ROR2: variants seen among roughly 807,000 people sequenced by gnomAD.
ROR2 encodes the protein tyrosine-protein kinase transmembrane receptor ROR2.
A neutral mutation model predicts 74.9 loss-of-function variants in ROR2; 33 were observed. The ratio of observed to expected loss-of-function variants is 0.44; its 90% CI spans 0.33 to 0.59. The LOEUF (loss-of-function observed/expected upper bound fraction) is 0.59, where lower values mean the gene tolerates loss of function less well. Ranked by LOEUF, ROR2 falls within the 20% of genes least tolerant of loss-of-function variation. The pLI is 0.02. For missense variants in ROR2, 1,216 were observed against 1,313.8 expected (o/e 0.93, Z 1.15); for synonymous variants, 586 against 558.7 (o/e 1.05, Z -0.69).
intron 4 of ROR2, among the ~76,000 whole-genome samples, chr9:91,752,450 G>C (rs2118821402): frequency 6.6e-6 from 1 of 152,242 alleles, no homozygotes; most frequent in South Asian, 2.1e-4. Context: ...AATCTCAAAA[G>C]CACTATGCTA....
intron 1 of ROR2, among the ~76,000 whole-genome samples, chr9:91,876,443 A>G (rs1468463933): frequency 6.6e-6 from 1 of 152,124 alleles, no homozygotes. Flanking sequence ...GGTCCCTGGT[A>G]AAATAGCCAG....
rs112426215 is a variant in ROR2, at chr9:91,815,337, T to C, written c.98-39519A>G. 1.4e-4 allele frequency among the ~76,000 whole-genome samples: 21 copies of C among 152,332 alleles called. 1 individual carries two copies. Among genetic ancestry groups the C allele is most frequent in the African/African-American group, 4.3e-4 (18 of 41,574 alleles). On this transcript the variant is annotated intron_variant, in intron 1 of 8. Transcript: ENST00000375708. ...CTTATGATCAGTTATTACAGAGCGG[T>C]ATAGCTTCCTCTCAGGAGCAAAGAA...
intron 1 of ROR2, among the ~76,000 whole-genome samples, chr9:91,798,564 C>G (rs1432406992): frequency 6.0e-5 from 8 of 133,942 alleles, no homozygotes; most frequent in Admixed American, 5.2e-4. Flanking sequence ...GTGGGTGCAG[C>G]TGACGCCCTG....
At chr9:91,949,398 A>C (rs1832107143) in intron 1 of ROR2, among the ~76,000 whole-genome samples, 1 of 151,838 alleles carries the variant, frequency 6.6e-6, no homozygotes, top group East Asian at 2.0e-4. Context: ...TCTGCCAGGC[A>C]TCAGGCCGCC....
At chr9:91,814,689 G>A (rs181288076) in intron 1 of ROR2, among the ~76,000 whole-genome samples, 116 of 152,330 alleles carry the variant, frequency 7.6e-4, no homozygotes, top group Non-Finnish European at 1.2e-3. Flanking sequence ...TTACCACCAT[G>A]TGCTCCTAAT....
chr9:91,890,155 G>C (rs1450286306), intron 1 of ROR2, among the ~76,000 whole-genome samples: 1 of 152,214 alleles, frequency 6.6e-6, no homozygotes, highest in African/African-American at 2.4e-5. Context: ...CTTTCTGGAA[G>C]AAAGTCAGAA....
At chr9:91,753,245 C>G (rs1178132251) in intron 4 of ROR2, among the ~76,000 whole-genome samples, 1 of 152,032 alleles carries the variant, frequency 6.6e-6, no homozygotes, top group Non-Finnish European at 1.5e-5. Flanking sequence ...AAAGAATTAT[C>G]AAAATTCATT....
At chr9:91,914,326 G>A (rs1387907736) in intron 1 of ROR2, among the ~76,000 whole-genome samples, 1 of 152,126 alleles carries the variant, frequency 6.6e-6, no homozygotes, top group African/African-American at 2.4e-5. Context: ...TCAGAAAATC[G>A]AACACTAGAA....
intron 1 of ROR2, among the ~76,000 whole-genome samples, chr9:91,874,031 C>G (rs1389838700): frequency 6.6e-6 from 1 of 152,132 alleles, no homozygotes; most frequent in Non-Finnish European, 1.5e-5. Context: ...TGAACACTTA[C>G]AGCCTGTAAT....
intron 2 of ROR2, among the ~76,000 whole-genome samples, chr9:91,762,194 C>G (rs1318631696): frequency 6.6e-6 from 1 of 152,182 alleles, no homozygotes; most frequent in African/African-American, 2.4e-5. Flanking sequence ...CTTCCAGCCC[C>G]GGTTTCCTAA....
intron 1 of ROR2, among the ~76,000 whole-genome samples, chr9:91,828,270 A>G (rs1828353324): frequency 6.6e-6 from 1 of 152,180 alleles, no homozygotes; most frequent in Non-Finnish European, 1.5e-5. Context: ...TGGCTTATCT[A>G]TTTTGCTTTT....
chr9:91,822,242 A>AGG (rs1828160074), intron 1 of ROR2, among the ~76,000 whole-genome samples: 1 of 152,208 alleles, frequency 6.6e-6, no homozygotes, highest in Non-Finnish European at 1.5e-5. Flanking sequence ...GTGGCCACTC[A>AGG]GGGTCCCTGA....
Position 91,905,226 on chromosome 9 carries a change from C to T in ROR2, c.97+44641G>A, listed in dbSNP as rs117457033. 0.02 allele frequency among the ~76,000 whole-genome samples: 3,089 copies of T among 151,522 alleles called. 44 individuals carry two copies. Among genetic ancestry groups the T allele is most frequent in the Non-Finnish European group, 0.027 (1,825 of 67,780 alleles). ...CACCACATATACACCAAACACCACT[C>T]AACACAAACACCACATACAACACAT... is the stretch of plus-strand genomic sequence containing the variant. On this transcript the variant is annotated intron_variant, in intron 1 of 8. Coordinates refer to ENST00000375708, the MANE Select transcript of ROR2 (RefSeq NM_004560.4). This position sits in a 1 kb window ranked among gnomAD's most constrained non-coding sequence, Gnocchi z 5.3.
Position 91,733,099 on chromosome 9 carries a change from GC to G in ROR2, c.937+22del. 6.4e-7 allele frequency: 1 copy of G among 1,568,424 alleles called. No individual in the cohort carries two copies. Among genetic ancestry groups the G allele is most frequent in the East Asian group, 2.3e-5 (1 of 43,012 alleles). On this transcript the variant is annotated intron_variant, in intron 6 of 8. Coordinates refer to ENST00000375708, the MANE Select transcript of ROR2 (RefSeq NM_004560.4). The surrounding 1 kb of genome is among the most constrained non-coding windows in gnomAD (Gnocchi z 5.7). The stretch of plus-strand genomic sequence containing the variant: ...TACACTCCCTGCGCCCCCCGGTCCC[GC>G]CCCGGGCCCTCGGGCACTCACAGCG...
intron 1 of ROR2, among the ~76,000 whole-genome samples, chr9:91,929,272 T>C (rs2117939741): frequency 6.6e-6 from 1 of 152,354 alleles, no homozygotes; most frequent in South Asian, 2.1e-4. Context: ...CTGGAGGCTT[T>C]GTCATTCTGT....
intron 1 of ROR2, among the ~76,000 whole-genome samples, chr9:91,935,469 C>G (rs1445940563): frequency 1.3e-5 from 2 of 152,228 alleles, no homozygotes; most frequent in Non-Finnish European, 2.9e-5. Flanking sequence ...CCCCAGGAGA[C>G]CAGGGGCATC....
intron 1 of ROR2, among the ~76,000 whole-genome samples, chr9:91,899,914 A>G (rs1830630368): frequency 6.6e-6 from 1 of 152,234 alleles, no homozygotes; most frequent in African/African-American, 2.4e-5. Flanking sequence ...ACATCTGCAC[A>G]CTCGAACACA....
chr9:91,902,127 A>G (rs1468169519), intron 1 of ROR2, among the ~76,000 whole-genome samples: 2 of 152,202 alleles, frequency 1.3e-5, no homozygotes, highest in Non-Finnish European at 2.9e-5. Flanking sequence ...GCTCCCCACC[A>G]CAGATGACGG....
Position 91,737,481 on chromosome 9 carries a change from G to A in ROR2, c.532C>T (p.Arg178Trp), listed in dbSNP as rs377228797. ...ATGAAGCGTGCACAGGCAATTCCCC[G>A]GTAAGGCTGGCAGAACCCATCCTCG... ...YHEDGFCQPY[R>W]GIACARFIGN... Residue 178 changes from arginine to tryptophan, a missense_variant, in exon 5 of 9, where the codon CGG becomes TGG. Transcript: ENST00000375708. 57 of 1,614,038 alleles carry A rather than the reference G, an allele frequency of 3.5e-5. No individual in the cohort carries two copies. The highest frequency in any genetic ancestry group is 4.4e-5 in the Non-Finnish European group (52 of 1,180,046).
Sources: gnomAD v4.1 joint callset for allele counts (sites outside exome capture counted in the v4.1 genomes callset) on GRCh38, gnomAD v4.1.1 for gene constraint, Gnocchi (gnomAD v3.1) non-coding constraint, MANE v1.5 for transcripts, NCBI Gene and HGNC (gene_info 2026-07-23, HGNC 2026-07-21) for gene names.